The following HSPBAP1 variants were observed in gnomAD, a reference collection of about 807,000 sequenced individuals.
The protein encoded by HSPBAP1 is HSPB1 associated protein 1.
A neutral mutation model predicts 45.2 loss-of-function variants in HSPBAP1; 27 were observed. The ratio of observed to expected loss-of-function variants is 0.60; its 90% CI spans 0.44 to 0.82. The LOEUF is 0.82. Among genes scored for constraint, HSPBAP1 ranks in the 40% least tolerant of loss-of-function variants. The probability of loss-of-function intolerance (pLI) is 0.00; values close to 1 mark genes in which losing one functional copy is unlikely to be tolerated. For missense variants in HSPBAP1, 510 were observed against 590.9 expected (o/e 0.86, Z 1.42); for synonymous variants, 204 against 202.7 (o/e 1.01, Z -0.06).
chr3:122,779,651 GC>G (rs1484207703), intron 1 of HSPBAP1, among the ~76,000 whole-genome samples: 7 of 150,484 alleles, frequency 4.7e-5, no homozygotes, highest in Non-Finnish European at 1.0e-4. Flanking sequence ...AGAGGACCCT[GC>G]GGCCTTCCGC....
At chr3:122,792,326 G>T (rs1935857530) in intron 1 of HSPBAP1, among the ~76,000 whole-genome samples, 2 of 152,244 alleles carry the variant, frequency 1.3e-5, no homozygotes, top group South Asian at 4.1e-4. Context: ...TAAGAGTTTT[G>T]TCAGAAAAAA....
chr3:122,768,972 A>T, intron 2 of HSPBAP1, 90 bp from the exon 3 acceptor site: 1 of 961,944 alleles, frequency 1.0e-6, no homozygotes, highest in African/African-American at 1.7e-5. Flanking sequence ...ATTTCAACCA[A>T]AAAATTAACT....
intron 6 of HSPBAP1, among the ~76,000 whole-genome samples, chr3:122,746,257 T>G (rs1933843194): frequency 6.8e-6 from 1 of 146,070 alleles, no homozygotes; most frequent in Non-Finnish European, 1.5e-5. Context: ...ATCATAAAGC[T>G]CAGATAAAAT....
At chr3:122,753,977 C>CAA in intron 5 of HSPBAP1, 2 of 804,468 alleles carry the variant, frequency 2.5e-6, no homozygotes, top group East Asian at 2.5e-4. Flanking sequence ...GATAAAAAAG[C>CAA]AAAACAAGTG....
At position 122,777,818 on chromosome 3, in the gene HSPBAP1, A is replaced by G. The variant is rs769577779; in HGVS notation, c.153T>C (p.Phe51=). Residue 51 remains phenylalanine (F), a synonymous_variant, in exon 2 of 8, where the codon TTT becomes TTC. Coordinates refer to ENST00000306103, the MANE Select transcript of HSPBAP1 (RefSeq NM_024610.6). ...QQPAIFCNMV[F]DWPARHWNAK... ...CATTCCAGTGTCGTGCTGGCCAATC[A>G]AACACCATGTTACAGAAGATTGCAG... 1.9e-6 allele frequency: 3 copies of G among 1,613,980 alleles called. No homozygotes were observed. Among genetic ancestry groups the G allele is most frequent in the Non-Finnish European group, 2.5e-6 (3 of 1,179,842 alleles).
At chr3:122,747,610 C>T (rs1300638547) in intron 6 of HSPBAP1, among the ~76,000 whole-genome samples, 7 of 148,284 alleles carry the variant, frequency 4.7e-5, no homozygotes, top group East Asian at 4.1e-4. Flanking sequence ...CCCGGCCAGC[C>T]GCCCCATCTG....
At chr3:122,755,892 T>A (rs770255873) in intron 4 of HSPBAP1, among the ~76,000 whole-genome samples, 2 of 152,228 alleles carry the variant, frequency 1.3e-5, no homozygotes, top group Non-Finnish European at 2.9e-5. Context: ...CTGTTTGGGT[T>A]ATAAATTCCT....
intron 3 of HSPBAP1, among the ~76,000 whole-genome samples, chr3:122,766,055 T>TTGCAGA (rs1934769864): frequency 6.6e-6 from 1 of 152,194 alleles, no homozygotes; most frequent in East Asian, 1.9e-4. Context: ...TGCAACAGCT[T>TTGCAGA]GAATGGAGAA....
chr3:122,787,594 T>C (rs2107543977), intron 1 of HSPBAP1, among the ~76,000 whole-genome samples: 1 of 152,356 alleles, frequency 6.6e-6, no homozygotes, highest in Admixed American at 6.5e-5. Context: ...ATCACTATAA[T>C]GATACAGCAT....
intron 2 of HSPBAP1, among the ~76,000 whole-genome samples, chr3:122,772,126 T>C (rs946131592): frequency 6.6e-6 from 1 of 152,326 alleles, no homozygotes; most frequent in Admixed American, 6.5e-5. Flanking sequence ...TGTAGACCTA[T>C]ATAAAAACTA....
At chr3:122,777,167 A>G (rs1047177960) in intron 2 of HSPBAP1, among the ~76,000 whole-genome samples, 2 of 152,186 alleles carry the variant, frequency 1.3e-5, no homozygotes, top group Non-Finnish European at 2.9e-5. Context: ...GGCAGAATCT[A>G]TTTGCTTAAG....
rs144743219 is a variant in HSPBAP1, at chr3:122,765,918, T to G, written c.432+2783A>C. Reference sequence around the variant, plus strand: ...AGAAACTACCCCTCATCAAGTTTGGTGTGTGTGGTATAAAAAAATCCACAA... The same window carrying G: ...AGAAACTACCCCTCATCAAGTTTGGGGTGTGTGGTATAAAAAAATCCACAA... On this transcript the variant is annotated intron_variant, in intron 3 of 7. Coordinates refer to ENST00000306103, the MANE Select transcript of HSPBAP1 (RefSeq NM_024610.6). Among the ~76,000 whole-genome samples, 393 of 152,340 alleles carry G rather than the reference T, an allele frequency of 2.6e-3. 2 individuals are homozygous for G. Among genetic ancestry groups the G allele is most frequent in the African/African-American group, 8.3e-3 (347 of 41,586 alleles).
At position 122,743,521 on chromosome 3, in the gene HSPBAP1, G is replaced by A. The variant is rs190002661; in HGVS notation, c.826-2408C>T. Among the ~76,000 whole-genome samples, 245 of 152,196 alleles carry A rather than the reference G, an allele frequency of 1.6e-3. 3 individuals are homozygous for A. Among genetic ancestry groups the A allele is most frequent in the Admixed American group, 0.015 (230 of 15,282 alleles). ...GCGGAGGTTGCGGTGGGCCGAGATC[G>A]AGCCATTGCACTCCAGCCTGGGCAA... On this transcript the variant is annotated intron_variant, in intron 6 of 7. Coordinates refer to ENST00000306103, the MANE Select transcript of HSPBAP1 (RefSeq NM_024610.6).
intron 6 of HSPBAP1, chr3:122,741,533 G>C (rs530953527): frequency 8.1e-5 from 14 of 172,120 alleles, no homozygotes; most frequent in Admixed American, 6.7e-4. Flanking sequence ...GAATGAGATG[G>C]CTATCCATCT....
At chr3:122,778,674 C>T (rs1181666015) in intron 1 of HSPBAP1, among the ~76,000 whole-genome samples, 10 of 151,944 alleles carry the variant, frequency 6.6e-5, no homozygotes, top group African/African-American at 2.2e-4. Flanking sequence ...GGACTACAGG[C>T]GCCCGCCACT....
intron 1 of HSPBAP1, among the ~76,000 whole-genome samples, chr3:122,790,222 C>T (rs1935781915): frequency 6.6e-6 from 1 of 152,114 alleles, no homozygotes; most frequent in South Asian, 2.1e-4. Context: ...TGGTACCTTG[C>T]TCTATTTTTC....
rs547951235 is a variant in HSPBAP1, at chr3:122,745,546, T to C, written c.826-4433A>G. Among the ~76,000 whole-genome samples, 60 of 152,338 alleles carry C rather than the reference T, an allele frequency of 3.9e-4. 1 individual carries two copies. The highest frequency in any genetic ancestry group is 3.3e-4 in the Admixed American group (5 of 15,304). On this transcript the variant is annotated intron_variant, in intron 6 of 7. Transcript: ENST00000306103. ...TTAAGTTTCATGCAATTCTGAGTAG[T>C]GTGATGAAATCTCTCACCATTCCAC... is the stretch of plus-strand genomic sequence containing the variant.
At chr3:122,753,564 AG>A in intron 5 of HSPBAP1, 2 of 984,858 alleles carry the variant, frequency 2.0e-6, no homozygotes, top group South Asian at 4.7e-5. Flanking sequence ...CAATGGGCAG[AG>A]TCAAGAAGGA....
chr3:122,771,658 T>C (rs1935004772), intron 2 of HSPBAP1, among the ~76,000 whole-genome samples: 11 of 152,212 alleles, frequency 7.2e-5, no homozygotes, highest in Admixed American at 7.2e-4. Context: ...TTTCTACAAC[T>C]GCTTGCCAAA....
Sources: allele counts gnomAD v4.1 joint callset (sites outside exome capture counted in the v4.1 genomes callset), GRCh38; gene constraint gnomAD v4.1.1; transcripts MANE v1.5; gene names NCBI Gene and HGNC (gene_info 2026-07-23, HGNC 2026-07-21).